CUX1: variants seen among roughly 807,000 people sequenced by gnomAD.
CUX1 encodes the protein protein CASP.
In CUX1, 31 loss-of-function variants were observed where a neutral mutation model predicts 158.8. That is an observed-to-expected ratio of 0.20 (90% CI 0.15 to 0.26). The LOEUF (loss-of-function observed/expected upper bound fraction) is 0.26. CUX1 is among the 10% of genes least tolerant of loss of function. The pLI, the probability that CUX1 is intolerant of heterozygous loss-of-function variation, is 1.00. For missense variants in CUX1, 1,589 were observed against 2,014.6 expected, an observed-to-expected ratio of 0.79 and a Z score of 4.04; for synonymous variants, 879 against 862.1, an observed-to-expected ratio of 1.02 and a Z score of -0.34.
At chr7:102,213,861 A>G (rs967096038) in intron 20 of CUX1, among the ~76,000 whole-genome samples, 1 of 152,156 alleles carries the variant, frequency 6.6e-6, no homozygotes, top group Non-Finnish European at 1.5e-5. Flanking sequence ...GGCCGGGCTC[A>G]GTGGCTCACA....
chr7:102,127,046 A>C (rs1363764736), intron 8 of CUX1, among the ~76,000 whole-genome samples: 4 of 152,166 alleles, frequency 2.6e-5, no homozygotes, highest in African/African-American at 9.7e-5. Flanking sequence ...ATCTGACGGG[A>C]GGCAGAGCTC....
chr7:102,115,531 T>TA (rs1488285624), intron 8 of CUX1: 1 of 385,594 alleles, frequency 2.6e-6, no homozygotes, highest in Non-Finnish European at 4.5e-6. Flanking sequence ...TTAGTTTATA[T>TA]AAGATGTGAC....
At chr7:102,270,846 T>C (rs1370950035) in intron 14 of CUX1, among the ~76,000 whole-genome samples, 4 of 152,316 alleles carry the variant, frequency 2.6e-5, no homozygotes, top group South Asian at 2.1e-4. Flanking sequence ...TGCTCACACC[T>C]GCACAGAATG....
intron 8 of CUX1, among the ~76,000 whole-genome samples, chr7:102,117,397 CAAAAAA>C (rs10633602): frequency 4.3e-5 from 2 of 46,670 alleles, no homozygotes; most frequent in Admixed American, 2.8e-4. Flanking sequence ...GACTCCATCG[CAAAAAA>C]AAAAAAAAAA....
Position 102,248,482 on chromosome 7 carries a change from G to A in CUX1, c.3958G>A (p.Asp1320Asn). ...AGSQGQAGASDSPSARSGRAA... is the reference protein window; with the variant it reads ...AGSQGQAGASNSPSARSGRAA... ...GAGTCAGGGCCAGGCGGGCGCCAGC[G>A]ACTCACCCTCGGCCCGCAGCGGCCG... Residue 1320 changes from aspartate (D) to asparagine (N), a missense_variant, in exon 24 of 24, where the codon GAC becomes AAC. This residue lies in a region of CUX1 where 344 missense variants were observed against 323.7 expected (regional missense o/e 1.06). Transcript: ENST00000292535. The surrounding 1 kb of genome is among the most constrained non-coding windows in gnomAD (Gnocchi z 5.8). The A allele has an allele frequency of 1.3e-6, 2 of 1,590,638 alleles. No homozygotes were observed. Among genetic ancestry groups the A allele is most frequent in the South Asian group, 1.1e-5 (1 of 89,306 alleles).
chr7:102,239,399 G>A lies in CUX1; in HGVS notation c.3702G>A (p.Gln1234=). The change falls in exon 23 of 24, where the codon CAG becomes CAA. Residue 1234 remains glutamine (Q), a synonymous_variant. Coordinates refer to ENST00000292535, the MANE Select transcript of CUX1 (RefSeq NM_181552.4). The part of the protein sequence containing the change: ...EPPSVGTEYS[Q]GASPQPQHQL... Reference sequence around the variant, plus strand: ...CCTCTGTCGGCACCGAGTACAGCCAGGGCGCCAGCCCCCAGCCCCAGCACC... The same window carrying A: ...CCTCTGTCGGCACCGAGTACAGCCAAGGCGCCAGCCCCCAGCCCCAGCACC... 6.2e-7 allele frequency: 1 copy of A among 1,613,560 alleles called. No individual in the cohort carries two copies. Among genetic ancestry groups the A allele is most frequent in the South Asian group, 1.1e-5 (1 of 91,080 alleles).
At chr7:102,282,625 G>A in intron 21 of CUX1, 3 of 1,438,684 alleles carry the variant, frequency 2.1e-6, no homozygotes, top group Non-Finnish European at 2.9e-6. Context: ...GAACCTTTAT[G>A]TTCCAGGCCA....
chr7:102,142,551 G>C (rs1352975735), intron 8 of CUX1, among the ~76,000 whole-genome samples: 1 of 151,130 alleles, frequency 6.6e-6, no homozygotes, highest in Non-Finnish European at 1.5e-5. Context: ...CTTGAGCCCA[G>C]GAATTTGAGG....
intron 1 of CUX1, chr7:101,822,262 GGGATGTGTTTCAGAACC>G (rs1471778195): frequency 6.6e-6 from 1 of 152,206 alleles, no homozygotes; most frequent in Non-Finnish European, 1.5e-5. Context: ...CCCTGGTTTT[GGGATGTGTTTCAGAACC>G]AAGTTTCGAT....
intron 8 of CUX1, among the ~76,000 whole-genome samples, chr7:102,134,368 T>C (rs1305335019): frequency 1.3e-5 from 2 of 152,142 alleles, no homozygotes; most frequent in Non-Finnish European, 2.9e-5. Flanking sequence ...TTGCAATAAC[T>C]GCACTTCAAA....
intron 2 of CUX1, among the ~76,000 whole-genome samples, chr7:102,014,469 G>A (rs925749956): frequency 6.6e-6 from 1 of 152,224 alleles, no homozygotes; most frequent in Non-Finnish European, 1.5e-5. Flanking sequence ...GCTGGGACCT[G>A]CTGGATAAAA....
chr7:102,018,607 A>T (rs1818958088), intron 2 of CUX1, among the ~76,000 whole-genome samples: 1 of 152,222 alleles, frequency 6.6e-6, no homozygotes, highest in Non-Finnish European at 1.5e-5. Context: ...CACACACAGG[A>T]TCTCAGAGTG....
Position 102,157,187 on chromosome 7 carries a change from G to A in CUX1, c.675-1373G>A, listed in dbSNP as rs933893709. ...AGGAGCCTTGGCATGGAAGGGCCTT[G>A]CGTGTGGCTGAGGGAGGGATTGCAT... On this transcript the variant is annotated intron_variant, in intron 8 of 23. Transcript: ENST00000292535. Among the ~76,000 whole-genome samples, 3 of 152,196 alleles carry A rather than the reference G, an allele frequency of 2.0e-5. No homozygotes were observed. The East Asian group carries it at 5.8e-4, about 29-fold the overall frequency.
At chr7:101,821,479 C>T (rs1429116345) in intron 1 of CUX1, among the ~76,000 whole-genome samples, 1 of 148,630 alleles carries the variant, frequency 6.7e-6, no homozygotes, top group South Asian at 2.1e-4. Context: ...GCTGGGACTA[C>T]AGGCGCTGGC....
intron 2 of CUX1, among the ~76,000 whole-genome samples, chr7:101,945,339 TAG>T (rs1398644315): frequency 6.6e-6 from 1 of 152,168 alleles, no homozygotes; most frequent in Non-Finnish European, 1.5e-5. Context: ...CCACAGAATG[TAG>T]AGTTTCTTGC....
chr7:101,970,552 T>G (rs1811825617), intron 2 of CUX1, among the ~76,000 whole-genome samples: 1 of 152,118 alleles, frequency 6.6e-6, no homozygotes, highest in South Asian at 2.1e-4. Flanking sequence ...TCCCATGTCT[T>G]TCTTTTCTTT....
intron 8 of CUX1, among the ~76,000 whole-genome samples, chr7:102,127,252 C>G (rs1469471963): frequency 1.3e-5 from 2 of 152,162 alleles, no homozygotes; most frequent in Admixed American, 1.3e-4. Context: ...TGTCACCCAG[C>G]CTGCAGGGCA....
At chr7:101,910,452 C>A (rs1442596997) in intron 1 of CUX1, among the ~76,000 whole-genome samples, 2 of 152,036 alleles carry the variant, frequency 1.3e-5, no homozygotes, top group Non-Finnish European at 2.9e-5. Context: ...GGCCCACATA[C>A]ACTTTAAAGG....
chr7:102,254,269 T>TGTTAA lies in CUX1; in HGVS notation c.*5228_*5229insTTAAG. 2 of 985,494 alleles carry TGTTAA rather than the reference T, an allele frequency of 2.0e-6. No individual in the cohort carries two copies. The highest frequency in any genetic ancestry group is 2.4e-6 in the Non-Finnish European group (2 of 829,980). The allele number at this position is 985,494 out of a possible 1,614,324, so 61.0% of individuals were successfully genotyped here. A position where few individuals can be genotyped will look rare whatever the true frequency, so the allele number is the denominator to read the frequency against. Reference sequence around the variant, plus strand: ...CCTGCTCAGCTGTTAAGATCCATCATGGCCATTATCCTTGTCCCGGACTGC... The same window carrying TGTTAA: ...CCTGCTCAGCTGTTAAGATCCATCATGTTAAGGCCATTATCCTTGTCCCGGACTGC... On this transcript the variant is annotated 3_prime_UTR_variant, in exon 24 of 24. Coordinates refer to ENST00000292535, the MANE Select transcript of CUX1 (RefSeq NM_181552.4).
Sources: gnomAD v4.1 joint callset for allele counts (sites outside exome capture counted in the v4.1 genomes callset) on GRCh38, gnomAD v4.1.1 for gene constraint, gnomAD v4.1.1 regional missense constraint, Gnocchi (gnomAD v3.1) non-coding constraint, MANE v1.5 for transcripts, NCBI Gene and HGNC (gene_info 2026-07-23, HGNC 2026-07-21) for gene names.